DOCK9: variants seen among roughly 807,000 people sequenced by gnomAD.
DOCK9 encodes dedicator of cytokinesis protein 9.
In DOCK9, 89 loss-of-function variants were observed where a neutral mutation model predicts 263.3. The observed-to-expected ratio is 0.34, with a 90% CI of 0.28 to 0.40. The LOEUF (loss-of-function observed/expected upper bound fraction) is 0.40. Ranked by LOEUF, DOCK9 falls within the 10% of genes least tolerant of loss-of-function variation. DOCK9 has a pLI of 1.00. For missense variants in DOCK9, 2,140 were observed against 2,603.4 expected (o/e 0.82, Z 3.87); for synonymous variants, 976 against 973.1 (o/e 1.00, Z -0.06).
chr13:98,837,728 G>A (rs1392434399), intron 38 of DOCK9, 119 bp from the exon 39 acceptor site: 1 of 130,928 alleles, frequency 7.6e-6, no homozygotes, highest in Non-Finnish European at 1.4e-5. Flanking sequence ...CCTTGTCTCT[G>A]TGTTTGCCTT....
chr13:98,970,454 TGC>T (rs2059626769), intron 1 of DOCK9, among the ~76,000 whole-genome samples: 1 of 152,224 alleles, frequency 6.6e-6, no homozygotes, highest in Non-Finnish European at 1.5e-5. Flanking sequence ...TGATATGCAA[TGC>T]AGTCCTGGCT....
chr13:98,988,411 A>G (rs1442235627), intron 1 of DOCK9, among the ~76,000 whole-genome samples: 1 of 152,242 alleles, frequency 6.6e-6, no homozygotes, highest in Non-Finnish European at 1.5e-5. Context: ...GTACTGGGAT[A>G]AGCACTGTAT....
intron 1 of DOCK9, among the ~76,000 whole-genome samples, chr13:98,965,647 A>G (rs571197788): frequency 1.2e-4 from 18 of 152,328 alleles, no homozygotes; most frequent in African/African-American, 4.3e-4. Context: ...TTTCATTGAC[A>G]ATGTGCATAC....
At chr13:98,839,516 G>A (rs1302972133) in intron 38 of DOCK9, among the ~76,000 whole-genome samples, 1 of 152,194 alleles carries the variant, frequency 6.6e-6, no homozygotes. Context: ...CAGGTCCAAG[G>A]GATCCTTTCC....
At chr13:99,027,163 G>T (rs375083447) in intron 1 of DOCK9, among the ~76,000 whole-genome samples, 2 of 152,026 alleles carry the variant, frequency 1.3e-5, no homozygotes, top group African/African-American at 4.8e-5. Context: ...GGAACTACAG[G>T]TGCCCGCCAC....
chr13:98,962,614 T>C (rs1287253988), intron 1 of DOCK9, among the ~76,000 whole-genome samples: 2 of 150,430 alleles, frequency 1.3e-5, no homozygotes, highest in Non-Finnish European at 3.0e-5. Flanking sequence ...TATTATTAAA[T>C]ATGTTGCTTG....
At chr13:98,826,484 C>T (rs1016648782) in intron 44 of DOCK9, among the ~76,000 whole-genome samples, 1 of 152,186 alleles carries the variant, frequency 6.6e-6, no homozygotes, top group Non-Finnish European at 1.5e-5. Flanking sequence ...CCCGTTACAA[C>T]TTTTTGATTG....
chr13:98,884,680 A>G (rs977330630), intron 21 of DOCK9, among the ~76,000 whole-genome samples: 14 of 152,198 alleles, frequency 9.2e-5, no homozygotes, highest in African/African-American at 3.1e-4. Flanking sequence ...TTATTTGAGC[A>G]TGGCCAGTCG....
intron 35 of DOCK9, among the ~76,000 whole-genome samples, chr13:98,851,511 C>T (rs1229283246): frequency 6.6e-6 from 1 of 152,212 alleles, no homozygotes; most frequent in African/African-American, 2.4e-5. Context: ...CGGCCAGCGG[C>T]ATGGGCAATG....
rs973909469 is a variant in DOCK9, at chr13:99,043,664, G to A, written c.129+42559C>T. On this transcript the variant is annotated intron_variant, in intron 1 of 32. Coordinates refer to the DOCK9 transcript ENST00000427887. ...AAGGCTATCTATTTTCTTGTCCACC[G>A]GGGTAAGGGAAGGGAGCTGAGGACA... 6.6e-5 allele frequency among the ~76,000 whole-genome samples: 10 copies of A among 152,106 alleles called. No individual in the cohort carries two copies. The East Asian group carries it at 9.6e-4, about 15-fold the overall frequency.
intron 45 of DOCK9, among the ~76,000 whole-genome samples, chr13:98,821,705 C>T (rs542439141): frequency 6.6e-6 from 1 of 152,278 alleles, no homozygotes; most frequent in Non-Finnish European, 1.5e-5. Flanking sequence ...TCAAAAGCAG[C>T]TGGAAAGGAG....
Position 98,876,791 on chromosome 13 carries a change from T to G in DOCK9, c.2943+3107A>C, listed in dbSNP as rs569111208. Among the ~76,000 whole-genome samples the G allele has an allele frequency of 1.7e-4, 25 of 146,142 alleles. No individual in the cohort carries two copies. In the South Asian group the frequency reaches 4.8e-3, roughly 28 times the overall value. On this transcript the variant is annotated intron_variant, in intron 27 of 52. Coordinates refer to ENST00000682017, the MANE Select transcript of DOCK9 (RefSeq NM_001366683.2). Reference sequence around the variant, plus strand: ...GATTAGGGCAAAGAACAGCAGGGTGTCTGCAGGGCCAGGGAAGCAGAAGCC... The same window carrying G: ...GATTAGGGCAAAGAACAGCAGGGTGGCTGCAGGGCCAGGGAAGCAGAAGCC...
In DOCK9 at chr13:98,869,136, G is replaced by A. The variant is rs544745210; in HGVS notation, c.2944-759C>T. ...ACTGAAAATACGGATTTTGATGACC[G>A]TGCATGATTAGTTAAAACTGCTTGG... On this transcript the variant is annotated intron_variant, in intron 27 of 52. Coordinates refer to ENST00000682017, the MANE Select transcript of DOCK9 (RefSeq NM_001366683.2). Among the ~76,000 whole-genome samples the A allele has an allele frequency of 5.9e-5, 9 of 152,268 alleles. No homozygotes were observed. In the South Asian group the frequency reaches 1.2e-3, roughly 21 times the overall value.
intron 1 of DOCK9, among the ~76,000 whole-genome samples, chr13:99,082,102 C>G (rs980790549): frequency 3.3e-5 from 5 of 152,064 alleles, no homozygotes; most frequent in African/African-American, 1.2e-4. Context: ...GCCTGTAATC[C>G]CAGCTACTCT....
At position 98,888,417 on chromosome 13, in the gene DOCK9, A is replaced by T; in HGVS notation, c.1920T>A (p.Asn640Lys). The T allele has an allele frequency of 6.2e-7, 1 of 1,614,000 alleles. No homozygotes were observed. The highest frequency in any genetic ancestry group is 8.5e-7 in the Non-Finnish European group (1 of 1,179,860). ...KHTQPYTIYT[N>K]HLYVYPKYLK... ...AGTACTTAGGATAAACGTAAAGGTG[A>T]TTGGTGTAGATGGTGTAAGGCTGAG... The change falls in exon 17 of 53, where the codon AAT becomes AAA. Residue 640 changes from asparagine (N) to lysine (K), a missense_variant. Physicochemically the swap from Asn to Lys is moderately conservative, Grantham distance 94. Transcript: ENST00000682017.
chr13:98,970,730 AG>A (rs1299572184), intron 1 of DOCK9, among the ~76,000 whole-genome samples: 1 of 152,238 alleles, frequency 6.6e-6, no homozygotes, highest in Non-Finnish European at 1.5e-5. Flanking sequence ...ATCACATTAC[AG>A]GGTATTTCAA....
intron 1 of DOCK9, among the ~76,000 whole-genome samples, chr13:99,077,444 T>C (rs1319802693): frequency 1.3e-5 from 2 of 152,212 alleles, no homozygotes; most frequent in Non-Finnish European, 2.9e-5. Flanking sequence ...CTGTTTCCCC[T>C]TCACCTTCTG....
In DOCK9 at chr13:98,897,756, C is replaced by T; in HGVS notation, c.1587-146G>A. 8.4e-6 allele frequency: 10 copies of T among 1,188,242 alleles called. No individual in the cohort carries two copies. In the South Asian group the frequency reaches 1.5e-4, roughly 18 times the overall value. The allele number at this position is 1,188,242 out of a possible 1,614,324, so 73.6% of individuals were successfully genotyped here. On this transcript the variant is annotated intron_variant, in intron 14 of 52. Transcript: ENST00000682017. ...TCTCATTATCTAAAAACATGGAAAA[C>T]ATCTATGGGGATGAGGACAACTAAA...
At chr13:98,799,419 G>C (rs1170139552) in intron 50 of DOCK9, among the ~76,000 whole-genome samples, 1 of 152,064 alleles carries the variant, frequency 6.6e-6, no homozygotes, top group Non-Finnish European at 1.5e-5. Context: ...GAAAATAAGA[G>C]TCATACTTGT....
Sources: allele counts gnomAD v4.1 joint callset (sites outside exome capture counted in the v4.1 genomes callset), GRCh38; gene constraint gnomAD v4.1.1; transcripts MANE v1.5; gene names NCBI Gene and HGNC (gene_info 2026-07-23, HGNC 2026-07-21).